HAO1: variants seen among roughly 807,000 people sequenced by gnomAD.
The protein encoded by HAO1 is 2-Hydroxyacid oxidase 1.
In HAO1, 34 loss-of-function variants were observed where a neutral mutation model predicts 39.7. That is an observed-to-expected ratio of 0.86 (90% CI 0.65 to 1.14). HAO1 has a LOEUF of 1.14. Among genes scored for constraint, HAO1 ranks in the 50% most tolerant of loss-of-function variants. HAO1 has a pLI of 0.00. For synonymous variants in HAO1, 172 were observed against 173.2 expected (o/e 0.99, Z 0.05); for missense variants, 479 against 464.5 (o/e 1.03, Z -0.29).
At position 7,906,303 on chromosome 20, in the gene HAO1, A is replaced by G; in HGVS notation, c.572T>C (p.Leu191Ser). The G allele has an allele frequency of 2.5e-6, 4 of 1,609,956 alleles. No individual in the cohort carries two copies. Among genetic ancestry groups the G allele is most frequent in the Non-Finnish European group, 2.5e-6 (3 of 1,176,654 alleles). The change falls in exon 4 of 8, where the codon TTA (leucine) becomes TCA (serine). Residue 191 changes from leucine (L) to serine (S), a missense_variant. Transcript: ENST00000378789. The part of the protein sequence containing the change: ...LRMKNFETST[L>S]SFSPEENFGD... ...AAAATTTTCCTCAGGAGAAAATGAT[A>G]AAGTACTGGTTTCAAAATTTTTCAT...
At position 7,885,762 on chromosome 20, in the gene HAO1, G is replaced by C. The variant is rs1422108627; in HGVS notation, c.916C>G (p.Leu306Val). Residue 306 changes from leucine (L) to valine (V), a missense_variant, in exon 6 of 8, where the codon CTT becomes GTT. Coordinates refer to ENST00000378789, the MANE Select transcript of HAO1 (RefSeq NM_017545.3). ...KGTDVLKALA[L>V]GAKAVFVGRP... ...CCCACAAACACAGCCTTGGCGCCAA[G>C]AGCCAGAGCTTTCAGAACATCAGTG... The C allele has an allele frequency of 6.2e-7, 1 of 1,613,778 alleles. No individual in the cohort carries two copies.
intron 2 of HAO1, among the ~76,000 whole-genome samples, chr20:7,915,596 G>C (rs933831530): frequency 1.3e-5 from 2 of 151,982 alleles, no homozygotes; most frequent in African/African-American, 2.4e-5. Context: ...TAAAGATAGA[G>C]ATAGAGAGAT....
chr20:7,907,372 T>C (rs1042179188), intron 3 of HAO1, among the ~76,000 whole-genome samples: 1 of 152,164 alleles, frequency 6.6e-6, no homozygotes, highest in Non-Finnish European at 1.5e-5. Context: ...CCCTCACCGC[T>C]AGGTAGACTA....
chr20:7,894,199 C>T (rs1480794765), intron 5 of HAO1, among the ~76,000 whole-genome samples: 1 of 152,140 alleles, frequency 6.6e-6, no homozygotes, highest in Non-Finnish European at 1.5e-5. Context: ...GTGTCCCTCT[C>T]CATGGCTTCG....
At chr20:7,908,799 T>G (rs1184920077) in intron 3 of HAO1, among the ~76,000 whole-genome samples, 1 of 152,210 alleles carries the variant, frequency 6.6e-6, no homozygotes, top group African/African-American at 2.4e-5. Context: ...TTGTACATTA[T>G]ATCATAGTCC....
In HAO1 at chr20:7,934,620, T is replaced by C. The variant is rs1318340988; in HGVS notation, c.153A>G (p.Pro51=). The C allele has an allele frequency of 6.2e-7, 1 of 1,603,274 alleles. No individual in the cohort carries two copies. The highest frequency in any genetic ancestry group is 8.5e-7 in the Non-Finnish European group (1 of 1,173,394). ...TTTCAGCAACATTCCGGAGCATCCTTGGATACAGCTTCCATCTAGAATTAA... is the reference window on the plus strand; with the variant it reads ...TTTCAGCAACATTCCGGAGCATCCTCGGATACAGCTTCCATCTAGAATTAA... ...IAAFSRWKLY[P]RMLRNVAETD... is the part of the protein sequence containing the mutation. The change falls in exon 2 of 8, where the codon CCA becomes CCG. Residue 51 remains proline (P), a synonymous_variant. Transcript: ENST00000378789.
intron 1 of HAO1, among the ~76,000 whole-genome samples, chr20:7,938,593 C>T (rs2050424641): frequency 6.6e-6 from 1 of 152,174 alleles, no homozygotes; most frequent in African/African-American, 2.4e-5. Context: ...TTCTATGTCT[C>T]CCAAAGTTTC....
At chr20:7,899,358 A>G (rs1288459567) in intron 4 of HAO1, among the ~76,000 whole-genome samples, 1 of 152,032 alleles carries the variant, frequency 6.6e-6, no homozygotes, top group African/African-American at 2.4e-5. Context: ...TATTATTACC[A>G]TTTTCCTCTG....
chr20:7,940,238 G>A (rs766819565), intron 1 of HAO1, 48 bp downstream of exon 1: 6 of 1,466,986 alleles, frequency 4.1e-6, no homozygotes, highest in Non-Finnish European at 5.6e-6. Flanking sequence ...TTTTGGTACG[G>A]TCTTTGTGTA....
In HAO1 at chr20:7,928,208, A is replaced by G. The variant is rs373770770; in HGVS notation, c.289+6276T>C. On this transcript the variant is annotated intron_variant, in intron 2 of 7. Coordinates refer to ENST00000378789, the MANE Select transcript of HAO1 (RefSeq NM_017545.3). ...AAAAATGGAAATTAAAAGCATTCAAATGCTCACTGCCTCATCTAAACCCTC... is the reference window on the plus strand; with the variant it reads ...AAAAATGGAAATTAAAAGCATTCAAGTGCTCACTGCCTCATCTAAACCCTC... Among the ~76,000 whole-genome samples the G allele has an allele frequency of 1.8e-4, 27 of 152,328 alleles. No homozygotes were observed. The South Asian group carries it at 5.4e-3, about 30-fold the overall frequency.
intron 6 of HAO1, 34 bp from the exon 7 acceptor site, chr20:7,885,624 A>G (rs1482132224): frequency 6.4e-7 from 1 of 1,550,424 alleles, no homozygotes; most frequent in Non-Finnish European, 8.9e-7. Context: ...GTGATTCAGA[A>G]CTAAATCAGT....
At chr20:7,938,025 T>C (rs919748877) in intron 1 of HAO1, among the ~76,000 whole-genome samples, 3 of 152,190 alleles carry the variant, frequency 2.0e-5, no homozygotes, top group African/African-American at 4.8e-5. Flanking sequence ...GAATGACCTT[T>C]TGTTGTACTT....
intron 2 of HAO1, among the ~76,000 whole-genome samples, chr20:7,928,117 T>G (rs915834736): frequency 6.6e-6 from 1 of 152,212 alleles, no homozygotes; most frequent in Non-Finnish European, 1.5e-5. Flanking sequence ...GACGTTTGTG[T>G]TTTTAGCAAT....
chr20:7,906,035 G>T, intron 4 of HAO1, 119 bp downstream of exon 4: 2 of 748,370 alleles, frequency 2.7e-6, no homozygotes. Flanking sequence ...TTGAGAGTTG[G>T]AATGTCTCTC....
Position 7,894,042 on chromosome 20 carries a change from A to G in HAO1, c.813+1091T>C, listed in dbSNP as rs116674198. On this transcript the variant is annotated intron_variant, in intron 5 of 7. Transcript: ENST00000378789. ...TGGGGCCAGAGCAGAAGCAAAAAAT[A>G]TCTGCAACATCATTGCTCCATCTAC... is the stretch of plus-strand genomic sequence containing the variant. 8.3e-3 allele frequency among the ~76,000 whole-genome samples: 1,258 copies of G among 152,320 alleles called. 16 individuals are homozygous for G. The highest frequency in any genetic ancestry group is 0.029 in the African/African-American group (1,199 of 41,568).
chr20:7,917,716 A>T (rs1370538508), intron 2 of HAO1, among the ~76,000 whole-genome samples: 4 of 152,214 alleles, frequency 2.6e-5, no homozygotes, highest in African/African-American at 7.2e-5. Flanking sequence ...GTTAATACAA[A>T]GACATCATGT....
chr20:7,905,996 T>C (rs558155230), intron 4 of HAO1, among the ~76,000 whole-genome samples, 158 bp downstream of exon 4: 9 of 152,322 alleles, frequency 5.9e-5, no homozygotes, highest in African/African-American at 1.7e-4. Context: ...AATGAAGAAA[T>C]ATTTACTCAC....
At chr20:7,939,246 T>C (rs2050428964) in intron 1 of HAO1, among the ~76,000 whole-genome samples, 2 of 152,190 alleles carry the variant, frequency 1.3e-5, no homozygotes, top group African/African-American at 4.8e-5. Flanking sequence ...AGTCAAGGCT[T>C]GAAAGGGTTG....
At chr20:7,888,354 C>T (rs2122748671) in intron 5 of HAO1, among the ~76,000 whole-genome samples, 1 of 152,204 alleles carries the variant, frequency 6.6e-6, no homozygotes, top group South Asian at 2.1e-4. Context: ...TCCCCCAACC[C>T]CTCCCCCAAA....
Sources: gnomAD v4.1 joint callset for allele counts (sites outside exome capture counted in the v4.1 genomes callset) on GRCh38, gnomAD v4.1.1 for gene constraint, MANE v1.5 for transcripts, NCBI Gene and HGNC (gene_info 2026-07-23, HGNC 2026-07-21) for gene names.